Variants in NAV2 observed in about 807,000 individuals in gnomAD.
NAV2 encodes the protein neuron navigator 2.
NAV2 carries 54 observed loss-of-function variants against 223.2 expected under a neutral mutation model. The ratio of observed to expected loss-of-function variants is 0.24; its 90% CI spans 0.19 to 0.30. The LOEUF is 0.30. Ranked by LOEUF, NAV2 falls within the 10% of genes least tolerant of loss-of-function variation. The pLI is 1.00. For synonymous variants in NAV2, 1,279 were observed against 1,239.3 expected, an observed-to-expected ratio of 1.03 and a Z score of -0.67; for missense variants, 2,806 against 3,147.5, an observed-to-expected ratio of 0.89 and a Z score of 2.60.
At chr11:19,501,560 C>CT (rs2042963960) in intron 1 of NAV2, among the ~76,000 whole-genome samples, 1 of 152,028 alleles carries the variant, frequency 6.6e-6, no homozygotes, top group African/African-American at 2.4e-5. Flanking sequence ...GCAGAGTCGC[C>CT]TTTGAGTATG....
chr11:20,045,377 C>T lies in NAV2; in HGVS notation c.3609C>T (p.Asn1203=), dbSNP rs139137383. Residue 1203 remains asparagine (N), a synonymous_variant, in exon 14 of 38, where the codon AAC becomes AAT. Coordinates refer to ENST00000349880, the MANE Select transcript of NAV2 (RefSeq NM_145117.5). ...GGCCCAGTAAGTCCAACAGCCGGAA[C>T]GGGGCTGGGAACAGGTCTAGCACCA... ...LPRPSKSNSR[N]GAGNRSSTSS... 1,903 of 1,614,156 alleles carry T rather than the reference C, an allele frequency of 1.2e-3. 2 individuals are homozygous for T. The highest frequency in any genetic ancestry group is 1.5e-3 in the Non-Finnish European group (1,730 of 1,180,018).
intron 11 of NAV2, among the ~76,000 whole-genome samples, chr11:20,032,957 T>C (rs528840945): frequency 1.3e-4 from 20 of 152,350 alleles, no homozygotes; most frequent in African/African-American, 3.8e-4. Flanking sequence ...CCTCAGTTTC[T>C]TCATTATGAA....
Position 19,964,809 on chromosome 11 carries a change from C to CTTTTTTTT in NAV2, c.2645+15749_2645+15756dup. 3.1e-4 allele frequency among the ~76,000 whole-genome samples: 18 copies of CTTTTTTTT among 57,550 alleles called. 3 individuals carry two copies. Among genetic ancestry groups the CTTTTTTTT allele is most frequent in the Admixed American group, 4.4e-4 (2 of 4,534 alleles). 37.8% of individuals were successfully genotyped at this position (57,550 alleles called of 152,430 possible). ...AGCCACCACAGCTGGCCTCATTCTA[C>CTTTTTTTT]TTTTTTTTTTTTTTTTTTTTTTTTT... On this transcript the variant is annotated intron_variant, in intron 10 of 37. Transcript: ENST00000349880.
chr11:20,050,460 C>A (rs184023240), intron 16 of NAV2, among the ~76,000 whole-genome samples: 2 of 151,798 alleles, frequency 1.3e-5, no homozygotes, highest in Non-Finnish European at 2.9e-5. Flanking sequence ...CAAATGTACA[C>A]GCTTGTGTTT....
At chr11:19,543,895 G>T (rs1225570595) in intron 1 of NAV2, among the ~76,000 whole-genome samples, 1 of 152,156 alleles carries the variant, frequency 6.6e-6, no homozygotes, top group African/African-American at 2.4e-5. Context: ...TTGAGCTGAG[G>T]ATAATCCATC....
At chr11:19,992,943 A>G (rs987820753) in intron 11 of NAV2, among the ~76,000 whole-genome samples, 2 of 152,160 alleles carry the variant, frequency 1.3e-5, no homozygotes, top group African/African-American at 4.8e-5. Context: ...TTTAAAGGTG[A>G]TTGTTTAAAC....
At chr11:20,025,709 T>G (rs2054984472) in intron 11 of NAV2, among the ~76,000 whole-genome samples, 1 of 152,222 alleles carries the variant, frequency 6.6e-6, no homozygotes, top group Admixed American at 6.5e-5. Context: ...GCCTTTTTTA[T>G]GCGGTTTGTG....
chr11:19,864,340 A>G (rs1590953185), intron 3 of NAV2, among the ~76,000 whole-genome samples: 1 of 152,208 alleles, frequency 6.6e-6, no homozygotes. Flanking sequence ...CTTTGCACTC[A>G]GCTACACTGG....
At chr11:19,504,303 T>C (rs1403005832) in intron 1 of NAV2, 1 of 152,228 alleles carries the variant, frequency 6.6e-6, no homozygotes, top group Non-Finnish European at 1.5e-5. Flanking sequence ...CCATGTAGTA[T>C]CTTTTTCAAA....
At position 20,118,426 on chromosome 11, in the gene NAV2, G is replaced by A. The variant is rs898186755; in HGVS notation, c.*168G>A. 13 of 712,442 alleles carry A rather than the reference G, an allele frequency of 1.8e-5. No homozygotes were observed. The highest frequency in any genetic ancestry group is 7.6e-5 in the East Asian group (3 of 39,606). 44.1% of individuals were successfully genotyped at this position (712,442 alleles called of 1,614,324 possible). A position where few individuals can be genotyped will look rare whatever the true frequency, so the allele number is the denominator to read the frequency against. ...GCCTCGACCTGGGTGCAGGCATCCCGGGCCAGCTGCCTGCGGACCGCTTCC... is the reference window on the plus strand; with the variant it reads ...GCCTCGACCTGGGTGCAGGCATCCCAGGCCAGCTGCCTGCGGACCGCTTCC... On this transcript the variant is annotated 3_prime_UTR_variant, in exon 38 of 38. Coordinates refer to ENST00000349880, the MANE Select transcript of NAV2 (RefSeq NM_145117.5).
intron 11 of NAV2, among the ~76,000 whole-genome samples, chr11:19,986,618 G>A (rs1437604215): frequency 6.6e-6 from 1 of 152,190 alleles, no homozygotes; most frequent in Non-Finnish European, 1.5e-5. Context: ...AACAGAGTGA[G>A]ACTCAGTCTC....
At chr11:19,479,578 A>G (rs1168734125) in intron 1 of NAV2, among the ~76,000 whole-genome samples, 3 of 152,164 alleles carry the variant, frequency 2.0e-5, no homozygotes, top group Non-Finnish European at 2.9e-5. Context: ...GAATCACTAA[A>G]TGGCAGAACT....
chr11:19,474,252 G>A (rs11025149), intron 1 of NAV2, among the ~76,000 whole-genome samples: 56,429 of 152,098 alleles, frequency 0.37, 11,139 homozygotes, highest in Non-Finnish European at 0.44. Flanking sequence ...AGCAATGCAA[G>A]GCCAGCCCAG....
In NAV2 at chr11:19,713,657, G is replaced by T. The variant is rs1846246924; in HGVS notation, c.-39G>T. ...TTTAGCGGTCGCCCCCGCCGCCGCTGCCAGGGACGTGCTGGGAAAGCCCAA... is the reference window on the plus strand; with the variant it reads ...TTTAGCGGTCGCCCCCGCCGCCGCTTCCAGGGACGTGCTGGGAAAGCCCAA... On this transcript the variant is annotated 5_prime_UTR_variant, in exon 1 of 38. Coordinates refer to ENST00000349880, the MANE Select transcript of NAV2 (RefSeq NM_145117.5). The surrounding 1 kb of genome is among the most constrained non-coding windows in gnomAD (Gnocchi z 7.2). The T allele has an allele frequency of 4.0e-6, 6 of 1,504,464 alleles. No homozygotes were observed. The highest frequency in any genetic ancestry group is 1.4e-5 in the South Asian group (1 of 73,720). The allele number at this position is 1,504,464 out of a possible 1,614,324, so 93.2% of individuals were successfully genotyped here.
intron 1 of NAV2, among the ~76,000 whole-genome samples, chr11:19,555,633 T>C (rs749814914): frequency 1.3e-5 from 2 of 152,150 alleles, no homozygotes; most frequent in Non-Finnish European, 2.9e-5. Flanking sequence ...CTTCCCAGAT[T>C]TTTGCCTTCC....
intron 3 of NAV2, among the ~76,000 whole-genome samples, chr11:19,850,717 T>A (rs2061067107): frequency 6.6e-6 from 1 of 152,166 alleles, no homozygotes; most frequent in Non-Finnish European, 1.5e-5. Context: ...GTTTATTGAG[T>A]TTTTTGTGTT....
At chr11:19,406,272 G>A (rs1849891731) in intron 1 of NAV2, among the ~76,000 whole-genome samples, 1 of 152,162 alleles carries the variant, frequency 6.6e-6, no homozygotes, top group African/African-American at 2.4e-5. Context: ...GGCTAGGTAA[G>A]CTTGGACAGG....
intron 1 of NAV2, among the ~76,000 whole-genome samples, chr11:19,560,807 A>G (rs762875911): frequency 6.6e-6 from 1 of 152,252 alleles, no homozygotes; most frequent in African/African-American, 2.4e-5. Context: ...TAGACCAGAT[A>G]GAAGAAATGC....
At chr11:19,515,968 C>G (rs2043433048) in intron 1 of NAV2, among the ~76,000 whole-genome samples, 1 of 152,198 alleles carries the variant, frequency 6.6e-6, no homozygotes, top group Admixed American at 6.5e-5. Flanking sequence ...GCTGCATGTG[C>G]AGCAGGTTTG....
Sources: allele counts gnomAD v4.1 joint callset (sites outside exome capture counted in the v4.1 genomes callset), GRCh38; gene constraint gnomAD v4.1.1; non-coding constraint Gnocchi (gnomAD v3.1); transcripts MANE v1.5; gene names NCBI Gene and HGNC (gene_info 2026-07-23, HGNC 2026-07-21).